The following ADD2 variants were observed in gnomAD, a reference collection of about 807,000 sequenced individuals.
ADD2 encodes the protein beta-adducin.
Under a neutral mutation model 83.0 loss-of-function variants are expected in ADD2, and 23 were observed. The ratio of observed to expected loss-of-function variants is 0.28; its 90% CI spans 0.20 to 0.39. ADD2 has a LOEUF of 0.39. Ranked by LOEUF, ADD2 falls within the 10% of genes least tolerant of loss-of-function variation. The pLI is 1.00. For missense variants in ADD2, 758 were observed against 944.9 expected (o/e 0.80, Z 2.59); for synonymous variants, 375 against 375.4 (o/e 1.00, Z 0.01).
chr2:70,730,279 G>T (rs1289008473), intron 1 of ADD2, among the ~76,000 whole-genome samples: 2 of 152,202 alleles, frequency 1.3e-5, no homozygotes, highest in Non-Finnish European at 2.9e-5. Flanking sequence ...GGATGCTGGG[G>T]ACATGTGAGC....
At chr2:70,720,317 G>A (rs147170337) in intron 1 of ADD2, among the ~76,000 whole-genome samples, 1 of 152,270 alleles carries the variant, frequency 6.6e-6, no homozygotes, top group East Asian at 1.9e-4. Flanking sequence ...AGCAGAGGGA[G>A]TATGTTAAGG....
At chr2:70,705,030 G>A (rs1490127787) in intron 3 of ADD2, among the ~76,000 whole-genome samples, 1 of 152,138 alleles carries the variant, frequency 6.6e-6, no homozygotes. Flanking sequence ...ACACTCAGGA[G>A]GAAATGGGGG....
chr2:70,685,858 A>C (rs998525504), intron 9 of ADD2, among the ~76,000 whole-genome samples: 1 of 152,212 alleles, frequency 6.6e-6, no homozygotes, highest in Admixed American at 6.5e-5. Flanking sequence ...GATGGGTAGC[A>C]GATGGAGAAG....
intron 15 of ADD2, among the ~76,000 whole-genome samples, chr2:70,669,931 C>G (rs549604718): frequency 2.6e-4 from 39 of 152,286 alleles, no homozygotes; most frequent in Non-Finnish European, 1.3e-4. Context: ...GCCCAGCCTT[C>G]TAGCTGCCCC....
Position 70,676,161 on chromosome 2 carries a change from G to A in ADD2, c.1593+635C>T, listed in dbSNP as rs2104225346. ...CATGCCCATTGCTACCTTGCAAGGA[G>A]CAGCAGTGATTTCAAACACATGCCA... On this transcript the variant is annotated intron_variant, in intron 13 of 15. Coordinates refer to ENST00000264436, the MANE Select transcript of ADD2 (RefSeq NM_001617.4). The surrounding 1 kb of genome is among the most constrained non-coding windows in gnomAD (Gnocchi z 4.8). 1 of 985,590 alleles carries A rather than the reference G, an allele frequency of 1.0e-6. No homozygotes were observed. The highest frequency in any genetic ancestry group is 1.7e-5 in the African/African-American group (1 of 57,378). The allele number at this position is 985,590 out of a possible 1,614,324, so 61.1% of individuals were successfully genotyped here. A position where few individuals can be genotyped will look rare whatever the true frequency, so the allele number is the denominator to read the frequency against.
intron 1 of ADD2, among the ~76,000 whole-genome samples, chr2:70,726,481 G>C (rs542692588): frequency 6.6e-6 from 1 of 152,262 alleles, no homozygotes; most frequent in Admixed American, 6.5e-5. Flanking sequence ...CTCCCTAACA[G>C]GGTCAACCAA....
chr2:70,657,275 G>A lies in ADD2; in HGVS notation c.*6150C>T, dbSNP rs1675393131. On this transcript the variant is annotated 3_prime_UTR_variant, in exon 16 of 16. Coordinates refer to ENST00000264436, the MANE Select transcript of ADD2 (RefSeq NM_001617.4). ...AAGGGAAGACAGTAAGTACTCTTGC[G>A]TGACGATTGTCAGACACAGACATTT... 6.6e-6 allele frequency: 1 copy of A among 152,118 alleles called. No homozygotes were observed. Among genetic ancestry groups the A allele is most frequent in the South Asian group, 2.1e-4 (1 of 4,826 alleles). The allele number at this position is 152,118 out of a possible 1,614,324, so 9.4% of individuals were successfully genotyped here. A position where few individuals can be genotyped will look rare whatever the true frequency, so the allele number is the denominator to read the frequency against.
At chr2:70,664,661 T>G (rs756740153) in intron 15 of ADD2, among the ~76,000 whole-genome samples, 7 of 152,196 alleles carry the variant, frequency 4.6e-5, no homozygotes, top group African/African-American at 1.2e-4. Context: ...CGGTTCAGCT[T>G]CTTCTCACGA....
intron 4 of ADD2, among the ~76,000 whole-genome samples, chr2:70,699,107 C>G (rs1465975741): frequency 6.6e-6 from 1 of 152,080 alleles, no homozygotes; most frequent in Non-Finnish European, 1.5e-5. Flanking sequence ...AGCCCCATTC[C>G]TTTCTCAGGA....
At chr2:70,664,717 A>C (rs576890712) in intron 15 of ADD2, among the ~76,000 whole-genome samples, 1 of 151,414 alleles carries the variant, frequency 6.6e-6, no homozygotes, top group Non-Finnish European at 1.5e-5. Context: ...GTGAGTGTGT[A>C]CAAGTGTGTG....
chr2:70,702,842 CA>C (rs1230388589), intron 4 of ADD2, among the ~76,000 whole-genome samples: 1 of 151,946 alleles, frequency 6.6e-6, no homozygotes, highest in African/African-American at 2.4e-5. Flanking sequence ...AAAAGAAAGT[CA>C]GGGGCGGGCA....
At chr2:70,665,371 G>C (rs920231486) in intron 15 of ADD2, among the ~76,000 whole-genome samples, 1 of 152,142 alleles carries the variant, frequency 6.6e-6, no homozygotes, top group Non-Finnish European at 1.5e-5. Flanking sequence ...GCTCCCTCTT[G>C]GTATCAAAGA....
At chr2:70,724,792 A>C (rs939105478) in intron 1 of ADD2, among the ~76,000 whole-genome samples, 3 of 152,328 alleles carry the variant, frequency 2.0e-5, no homozygotes, top group African/African-American at 7.2e-5. Context: ...TCTACATCCT[A>C]CACATGCCAA....
intron 15 of ADD2, 110 bp from the exon 16 acceptor site, chr2:70,663,845 AG>A: frequency 2.5e-6 from 3 of 1,199,358 alleles, no homozygotes; most frequent in Non-Finnish European, 3.4e-6. Context: ...ATCCAGAGCG[AG>A]GGGAGGGCCA....
At chr2:70,753,802 C>T (rs939978013) in intron 1 of ADD2, among the ~76,000 whole-genome samples, 1 of 152,136 alleles carries the variant, frequency 6.6e-6, no homozygotes, top group Non-Finnish European at 1.5e-5. Flanking sequence ...AGCCATGCAT[C>T]TGAAAAAGCC....
chr2:70,696,164 T>G, intron 5 of ADD2, 81 bp downstream of exon 5: 2 of 1,525,586 alleles, frequency 1.3e-6, no homozygotes, highest in Non-Finnish European at 1.8e-6. Context: ...GCCATGGCCA[T>G]GCCAAGGGTC....
At chr2:70,738,078 T>C (rs1673682075) in intron 1 of ADD2, among the ~76,000 whole-genome samples, 1 of 152,224 alleles carries the variant, frequency 6.6e-6, no homozygotes. Flanking sequence ...AGGCCTCGTG[T>C]TGTTTCTGCA....
chr2:70,752,275 G>A (rs1023912897), intron 1 of ADD2, among the ~76,000 whole-genome samples: 29 of 152,214 alleles, frequency 1.9e-4, no homozygotes, highest in African/African-American at 6.7e-4. Context: ...GCAGGTCTAT[G>A]TAGGGTTACC....
At chr2:70,690,251 C>T (rs1553371298) in intron 8 of ADD2, among the ~76,000 whole-genome samples, 1 of 152,106 alleles carries the variant, frequency 6.6e-6, no homozygotes, top group Non-Finnish European at 1.5e-5. Flanking sequence ...TGCATACCAC[C>T]AAGCTTCACT....
Sources: gnomAD v4.1 joint callset for allele counts (sites outside exome capture counted in the v4.1 genomes callset) on GRCh38, gnomAD v4.1.1 for gene constraint, Gnocchi (gnomAD v3.1) non-coding constraint, MANE v1.5 for transcripts, NCBI Gene and HGNC (gene_info 2026-07-23, HGNC 2026-07-21) for gene names.